Variants in DDX50 observed in about 807,000 individuals in gnomAD.
DDX50 encodes ATP-dependent RNA helicase DDX50.
A neutral mutation model predicts 94.8 loss-of-function variants in DDX50; 56 were observed. That is an observed-to-expected ratio of 0.59 (90% CI 0.48 to 0.74). DDX50 has a LOEUF of 0.74. Among genes scored for constraint, DDX50 ranks in the 30% least tolerant of loss-of-function variants. The pLI is 0.00. For synonymous variants in DDX50, 264 were observed against 295.4 expected (o/e 0.89, Z 1.09); for missense variants, 713 against 881.2 (o/e 0.81, Z 2.42).
At chr10:68,937,181 T>C in intron 12 of DDX50, 86 bp downstream of exon 12, 1 of 1,364,968 alleles carries the variant, frequency 7.3e-7, no homozygotes, top group Non-Finnish European at 9.6e-7. Context: ...TTGTGCTTTT[T>C]GTGCAGAAAA....
intron 8 of DDX50, among the ~76,000 whole-genome samples, chr10:68,924,852 T>C (rs1842039181): frequency 6.6e-6 from 1 of 152,142 alleles, no homozygotes; most frequent in South Asian, 2.1e-4. Context: ...AAAGTTTTTA[T>C]AGGGCCCAGC....
At chr10:68,917,964 G>T (rs112117070) in intron 7 of DDX50, among the ~76,000 whole-genome samples, 9,028 of 151,018 alleles carry the variant, frequency 0.06, 874 homozygotes, top group African/African-American at 0.2. Context: ...CACTCTTGTC[G>T]CCCAGGCTGG....
intron 12 of DDX50, among the ~76,000 whole-genome samples, chr10:68,939,526 G>C (rs7090392): frequency 0.077 from 11,712 of 152,118 alleles, 1,421 homozygotes; most frequent in African/African-American, 0.26. Context: ...TTGACGTCAT[G>C]TCTTATCACT....
At chr10:68,931,178 A>AT (rs1388465339) in intron 8 of DDX50, among the ~76,000 whole-genome samples, 1 of 151,958 alleles carries the variant, frequency 6.6e-6, no homozygotes, top group Non-Finnish European at 1.5e-5. Flanking sequence ...TGACCAGGAT[A>AT]TAAAGACTAT....
chr10:68,920,613 A>G (rs1841915011), intron 8 of DDX50, among the ~76,000 whole-genome samples: 1 of 152,120 alleles, frequency 6.6e-6, no homozygotes, highest in Admixed American at 6.6e-5. Context: ...TAAATTAATA[A>G]ATCAGAATAC....
chr10:68,928,246 G>C (rs536617194), intron 8 of DDX50, among the ~76,000 whole-genome samples: 87 of 152,218 alleles, frequency 5.7e-4, no homozygotes, highest in Non-Finnish European at 9.4e-4. Flanking sequence ...AGTCTAGGAG[G>C]TCGAGGCTAC....
intron 4 of DDX50, among the ~76,000 whole-genome samples, chr10:68,912,124 G>A (rs967713854): frequency 6.6e-6 from 1 of 152,136 alleles, no homozygotes; most frequent in African/African-American, 2.4e-5. Flanking sequence ...AATATTTTTG[G>A]AGAGTTATGT....
chr10:68,911,333 C>A, intron 4 of DDX50, 87 bp downstream of exon 4: 2 of 1,353,528 alleles, frequency 1.5e-6, no homozygotes, highest in Non-Finnish European at 1.9e-6. Context: ...CTAGTACCCC[C>A]AAAATAGAAA....
At chr10:68,928,209 G>A (rs1842139851) in intron 8 of DDX50, among the ~76,000 whole-genome samples, 1 of 152,080 alleles carries the variant, frequency 6.6e-6, no homozygotes. Flanking sequence ...AAGCTACTGA[G>A]GAGGCTGAGG....
chr10:68,943,242 G>A lies in DDX50; in HGVS notation c.1920G>A (p.Glu640=). 2 of 1,607,316 alleles carry A rather than the reference G, an allele frequency of 1.2e-6. No individual in the cohort carries two copies. Among genetic ancestry groups the A allele is most frequent in the Non-Finnish European group, 8.5e-7 (1 of 1,178,124 alleles). Residue 640 remains glutamate (E), a synonymous_variant, in exon 14 of 15, where the codon GAG becomes GAA. Coordinates refer to ENST00000373585, the MANE Select transcript of DDX50 (RefSeq NM_024045.2). ...MGVCFDVPTT[E]SERLQAEWHD... ...TTTGCTTTGATGTTCCTACAACTGA[G>A]TCAGAAAGGTTACAGGTATTTTTAA...
Position 68,910,297 on chromosome 10 carries a change from A to C in DDX50, c.385-10A>C. 1 of 1,590,076 alleles carries C rather than the reference A, an allele frequency of 6.3e-7. No homozygotes were observed. The highest frequency in any genetic ancestry group is 8.5e-7 in the Non-Finnish European group (1 of 1,172,128). On this transcript the variant is annotated splice_polypyrimidine_tract_variant and intron_variant, in intron 2 of 14. Coordinates refer to ENST00000373585, the MANE Select transcript of DDX50 (RefSeq NM_024045.2). ...ATAAATTATTTAGGCCATTGATTTCATTTTTACAGACCTTAACACGTGAAC... is the reference window on the plus strand; with the variant it reads ...ATAAATTATTTAGGCCATTGATTTCCTTTTTACAGACCTTAACACGTGAAC...
At chr10:68,928,653 T>G (rs759482915) in intron 8 of DDX50, among the ~76,000 whole-genome samples, 2 of 152,212 alleles carry the variant, frequency 1.3e-5, no homozygotes, top group Non-Finnish European at 1.5e-5. Flanking sequence ...TCATTGAGTA[T>G]ATGGTAATGA....
chr10:68,940,378 TA>T (rs75318772), intron 12 of DDX50, among the ~76,000 whole-genome samples: 10,772 of 133,924 alleles, frequency 0.08, 374 homozygotes, highest in Middle Eastern at 0.12. Context: ...GACCCTGTCT[TA>T]AAAAAAAAAA....
intron 13 of DDX50, among the ~76,000 whole-genome samples, chr10:68,941,689 G>C (rs1842557552): frequency 6.6e-6 from 1 of 151,820 alleles, no homozygotes; most frequent in South Asian, 2.1e-4. Context: ...GCCCAGGCTA[G>C]AGTGCAATGG....
Position 68,910,290 on chromosome 10 carries a change from T to G in DDX50, c.385-17T>G, listed in dbSNP as rs539231765. The G allele has an allele frequency of 6.3e-7, 1 of 1,581,116 alleles. No individual in the cohort carries two copies. The highest frequency in any genetic ancestry group is 8.6e-7 in the Non-Finnish European group (1 of 1,165,374). ...GTTGAGTATAAATTATTTAGGCCATTGATTTCATTTTTACAGACCTTAACA... is the reference window on the plus strand; with the variant it reads ...GTTGAGTATAAATTATTTAGGCCATGGATTTCATTTTTACAGACCTTAACA... On this transcript the variant is annotated splice_polypyrimidine_tract_variant and intron_variant, in intron 2 of 14. Transcript: ENST00000373585.
rs1841458130 is a variant in DDX50, at chr10:68,906,797, T to C, written c.174T>C (p.Ala58=). The change falls in exon 2 of 15, where the codon GCT becomes GCC. Residue 58 remains alanine (A), a synonymous_variant. Coordinates refer to ENST00000373585, the MANE Select transcript of DDX50 (RefSeq NM_024045.2). ...ATGGTGTTACAGATGACCTGGATGC[T>C]CCCAAGGCCAAAAAATCTAAAATGA... ...RENGVTDDLD[A]PKAKKSKMKE... 4 of 1,613,652 alleles carry C rather than the reference T, an allele frequency of 2.5e-6. No homozygotes were observed. Among genetic ancestry groups the C allele is most frequent in the Non-Finnish European group, 3.4e-6 (4 of 1,179,950 alleles).
intron 6 of DDX50, 85 bp downstream of exon 6, chr10:68,913,661 C>A: frequency 7.5e-7 from 1 of 1,335,432 alleles, no homozygotes; most frequent in Non-Finnish European, 1.0e-6. Context: ...ATTTTTATTG[C>A]AGTGTCCCCT....
chr10:68,913,601 C>T (rs1239315991), intron 6 of DDX50, 25 bp downstream of exon 6: 1 of 1,577,792 alleles, frequency 6.3e-7, no homozygotes, highest in Admixed American at 1.9e-5. Context: ...AAAATAAGCA[C>T]ATTAGCAATT....
At chr10:68,912,919 A>T (rs974816844) in intron 4 of DDX50, among the ~76,000 whole-genome samples, 14 of 152,186 alleles carry the variant, frequency 9.2e-5, no homozygotes, top group African/African-American at 3.4e-4. Context: ...AGAAATGATA[A>T]AGAGGGGCAG....
Sources: gnomAD v4.1 joint callset for allele counts (sites outside exome capture counted in the v4.1 genomes callset) on GRCh38, gnomAD v4.1.1 for gene constraint, MANE v1.5 for transcripts, NCBI Gene and HGNC (gene_info 2026-07-23, HGNC 2026-07-21) for gene names.